Variants in EYS observed in about 807,000 individuals in gnomAD.
The protein encoded by EYS is protein eyes shut homolog.
A neutral mutation model predicts 282.1 loss-of-function variants in EYS; 250 were observed. The observed-to-expected ratio is 0.89, with a 90% CI of 0.80 to 0.98. The LOEUF (loss-of-function observed/expected upper bound fraction) is 0.98, where lower values mean the gene tolerates loss of function less well. Among genes scored for constraint, EYS ranks in the 50% least tolerant of loss-of-function variants. EYS has a pLI of 0.00. For synonymous variants in EYS, 1,355 were observed against 1,282.9 expected (o/e 1.06, Z -1.20); for missense variants, 4,016 against 3,709.0 (o/e 1.08, Z -2.15).
At chr6:64,384,953 A>T (rs1175285859) in intron 29 of EYS, among the ~76,000 whole-genome samples, 1 of 152,180 alleles carries the variant, frequency 6.6e-6, no homozygotes, top group Non-Finnish European at 1.5e-5. Context: ...CATTATTGGA[A>T]ACTTAGGGGT....
At chr6:65,169,209 A>G (rs1043969646) in intron 12 of EYS, among the ~76,000 whole-genome samples, 1 of 151,406 alleles carries the variant, frequency 6.6e-6, no homozygotes, top group African/African-American at 2.4e-5. Flanking sequence ...TATTATTTTT[A>G]ACTAGTTGAT....
intron 35 of EYS, among the ~76,000 whole-genome samples, chr6:63,972,783 A>G (rs1766646508): frequency 1.3e-5 from 2 of 152,058 alleles, no homozygotes; most frequent in South Asian, 2.1e-4. Context: ...GAGTGAGAAC[A>G]TGTGGTCTTT....
At chr6:64,649,602 T>C (rs908204317) in intron 22 of EYS, among the ~76,000 whole-genome samples, 2 of 152,158 alleles carry the variant, frequency 1.3e-5, no homozygotes, top group African/African-American at 4.8e-5. Context: ...CCTCCCAAAG[T>C]GCTAGGATTA....
intron 19 of EYS, among the ~76,000 whole-genome samples, chr6:64,862,497 A>G (rs1032026145): frequency 1.3e-5 from 2 of 151,874 alleles, no homozygotes; most frequent in Non-Finnish European, 2.9e-5. Context: ...TTATTCCTAC[A>G]TTTCTGCTAT....
intron 22 of EYS, among the ~76,000 whole-genome samples, chr6:64,801,223 T>C (rs907360791): frequency 1.3e-5 from 2 of 152,100 alleles, no homozygotes; most frequent in African/African-American, 2.4e-5. Flanking sequence ...AAAAGTCAAA[T>C]GTAATTTTTT....
At chr6:64,914,330 T>C (rs1376397317) in intron 15 of EYS, among the ~76,000 whole-genome samples, 1 of 152,144 alleles carries the variant, frequency 6.6e-6, no homozygotes, top group Non-Finnish European at 1.5e-5. Flanking sequence ...TTTACTATTA[T>C]GCAAGTTATG....
intron 1 of EYS, among the ~76,000 whole-genome samples, chr6:65,674,656 A>G (rs1768513844): frequency 6.6e-6 from 1 of 152,038 alleles, no homozygotes; most frequent in African/African-American, 2.4e-5. Context: ...AAAAATGAAA[A>G]AGAAATAAAG....
intron 12 of EYS, among the ~76,000 whole-genome samples, chr6:65,290,995 C>T (rs1768509669): frequency 6.6e-6 from 1 of 151,018 alleles, no homozygotes; most frequent in Non-Finnish European, 1.5e-5. Flanking sequence ...GAAATTTGAT[C>T]AAATGGTATT....
chr6:63,830,763 G>A (rs1302101867), intron 36 of EYS, among the ~76,000 whole-genome samples: 1 of 152,174 alleles, frequency 6.6e-6, no homozygotes. Context: ...ACACATAATT[G>A]TCAGATTCAC....
intron 19 of EYS, among the ~76,000 whole-genome samples, chr6:64,863,104 C>T (rs1395604913): frequency 2.0e-5 from 3 of 152,040 alleles, no homozygotes; most frequent in Non-Finnish European, 4.4e-5. Context: ...GTAATATTGT[C>T]CCATAGGTTA....
At chr6:65,146,372 T>C (rs1764477920) in intron 12 of EYS, among the ~76,000 whole-genome samples, 1 of 151,858 alleles carries the variant, frequency 6.6e-6, no homozygotes, top group South Asian at 2.1e-4. Flanking sequence ...GAATTCCTAA[T>C]AGTTCTTAGG....
chr6:65,244,458 A>T (rs1582057542), intron 12 of EYS, among the ~76,000 whole-genome samples: 1 of 152,118 alleles, frequency 6.6e-6, no homozygotes, highest in African/African-American at 2.4e-5. Flanking sequence ...TGCTGTTCTA[A>T]AATAATTATA....
chr6:65,390,878 C>T (rs148900296), intron 7 of EYS, among the ~76,000 whole-genome samples: 71 of 148,288 alleles, frequency 4.8e-4, no homozygotes, highest in African/African-American at 1.5e-3. Flanking sequence ...CATGAGACCC[C>T]GTCTCTAAAA....
chr6:63,856,226 A>T (rs1438875593), intron 36 of EYS, among the ~76,000 whole-genome samples: 1 of 151,316 alleles, frequency 6.6e-6, no homozygotes, highest in East Asian at 2.0e-4. Flanking sequence ...GTCTCTGGTG[A>T]GCTTGAGAAT....
intron 5 of EYS, among the ~76,000 whole-genome samples, chr6:65,474,441 C>G (rs1765328530): frequency 6.6e-6 from 1 of 152,072 alleles, no homozygotes; most frequent in East Asian, 1.9e-4. Flanking sequence ...ATAAAATCCT[C>G]AGCAAATATA....
chr6:64,434,965 T>C (rs1774689684), intron 28 of EYS, among the ~76,000 whole-genome samples: 1 of 152,028 alleles, frequency 6.6e-6, no homozygotes, highest in Non-Finnish European at 1.5e-5. Context: ...GATTTGATTC[T>C]TACTGCCACC....
intron 19 of EYS, among the ~76,000 whole-genome samples, chr6:64,838,062 T>C (rs2812787): frequency 6.9e-6 from 1 of 145,768 alleles, no homozygotes; most frequent in Non-Finnish European, 1.5e-5. Context: ...TGTTTTAAAA[T>C]AATCACAGTG....
chr6:65,506,038 T>G (rs1201888592), intron 2 of EYS, among the ~76,000 whole-genome samples: 5 of 152,156 alleles, frequency 3.3e-5, no homozygotes, highest in Admixed American at 3.3e-4. Context: ...ATCACTTGTC[T>G]AACATATTTT....
rs117394731 is a variant in EYS at position 65,452,501 on chromosome 6, G to A, written c.862+38093C>T. On this transcript the variant is annotated intron_variant, in intron 5 of 42. Coordinates refer to ENST00000503581, the MANE Select transcript of EYS (RefSeq NM_001142800.2). The stretch of plus-strand genomic sequence containing the variant: ...GCTTGCAATGTATTACCTCATTCGA[G>A]ATAATAATATGTAATTAGTTGACTT... Among the ~76,000 whole-genome samples the A allele has an allele frequency of 2.3e-3, 355 of 151,960 alleles. 1 individual carries two copies. The East Asian group carries it at 0.046, about 20-fold the overall frequency.
Sources: gnomAD v4.1 joint callset for allele counts (sites outside exome capture counted in the v4.1 genomes callset) on GRCh38, gnomAD v4.1.1 for gene constraint, MANE v1.5 for transcripts, NCBI Gene and HGNC (gene_info 2026-07-23, HGNC 2026-07-21) for gene names.